Variants in L3MBTL4 observed in about 807,000 individuals in gnomAD.
L3MBTL4 encodes the protein lethal(3)malignant brain tumor-like protein 4.
L3MBTL4 carries 70 observed loss-of-function variants against 84.5 expected under a neutral mutation model. The observed-to-expected ratio is 0.83, with a 90% confidence interval of 0.68 to 1.01. The LOEUF (loss-of-function observed/expected upper bound fraction) is 1.01, where lower values mean the gene tolerates loss of function less well. L3MBTL4 is among the 50% of genes least tolerant of loss of function. The pLI is 0.00. For synonymous variants in L3MBTL4, 274 were observed against 259.8 expected, an observed-to-expected ratio of 1.05 and a Z score of -0.52; for missense variants, 715 against 754.8, an observed-to-expected ratio of 0.95 and a Z score of 0.62.
intron 14 of L3MBTL4, among the ~76,000 whole-genome samples, chr18:6,135,852 CT>C (rs1461221373): frequency 6.6e-6 from 1 of 152,184 alleles, no homozygotes; most frequent in Admixed American, 6.5e-5. Flanking sequence ...TTGCTTGTAC[CT>C]TTTCAGCAGT....
At chr18:6,380,980 G>C (rs1180978730) in intron 1 of L3MBTL4, among the ~76,000 whole-genome samples, 1 of 152,092 alleles carries the variant, frequency 6.6e-6, no homozygotes, top group Non-Finnish European at 1.5e-5. Context: ...CTAAGAACTT[G>C]CTTTATGCAT....
chr18:5,955,913 G>A lies in L3MBTL4; in HGVS notation c.*307C>T, dbSNP rs146779680. 124 of 239,044 alleles carry A rather than the reference G, an allele frequency of 5.2e-4. No individual in the cohort carries two copies. The highest frequency in any genetic ancestry group is 1.9e-3 in the African/African-American group (87 of 44,752). The allele number at this position is 239,044 out of a possible 1,614,324, so 14.8% of individuals were successfully genotyped here. ...GGAAAATGGTTTCTTTTCTGGTGAC[G>A]GAGAAGAATAAAGGTGGATGTGTGG... On this transcript the variant is annotated 3_prime_UTR_variant, in exon 19 of 19. Transcript: ENST00000317931.
chr18:6,112,566 T>C (rs1201241090), intron 14 of L3MBTL4, among the ~76,000 whole-genome samples: 2 of 152,184 alleles, frequency 1.3e-5, no homozygotes, highest in African/African-American at 4.8e-5. Flanking sequence ...TGCAAATAAC[T>C]AATCTCTGGA....
intron 13 of L3MBTL4, among the ~76,000 whole-genome samples, chr18:6,153,990 T>C (rs1221629394): frequency 1.3e-5 from 2 of 152,222 alleles, no homozygotes; most frequent in Non-Finnish European, 2.9e-5. Flanking sequence ...CACAAAAGAT[T>C]ACAGTATCAG....
chr18:6,189,918 A>G (rs1293921311), intron 12 of L3MBTL4, among the ~76,000 whole-genome samples: 1 of 152,200 alleles, frequency 6.6e-6, no homozygotes, highest in African/African-American at 2.4e-5. Context: ...ATATGCAACG[A>G]TTATCCCATA....
At chr18:5,974,964 T>C (rs938884722) in intron 16 of L3MBTL4, among the ~76,000 whole-genome samples, 1 of 151,986 alleles carries the variant, frequency 6.6e-6, no homozygotes, top group Non-Finnish European at 1.5e-5. Context: ...CCTGTCTCTA[T>C]TGTTTTGTTT....
intron 16 of L3MBTL4, among the ~76,000 whole-genome samples, chr18:6,070,921 G>T (rs2057570231): frequency 6.6e-6 from 1 of 151,992 alleles, no homozygotes; most frequent in Non-Finnish European, 1.5e-5. Flanking sequence ...TCTATATAAA[G>T]ATAAAGATGC....
intron 1 of L3MBTL4, among the ~76,000 whole-genome samples, chr18:6,372,208 G>A (rs1007685347): frequency 2.0e-5 from 3 of 152,216 alleles, no homozygotes; most frequent in Non-Finnish European, 2.9e-5. Flanking sequence ...AGTGGTGGCT[G>A]CCCCTGCCTA....
intron 12 of L3MBTL4, among the ~76,000 whole-genome samples, chr18:6,210,716 T>G (rs535332334): frequency 1.3e-5 from 2 of 152,308 alleles, no homozygotes; most frequent in Admixed American, 1.3e-4. Context: ...CTGACTCTGC[T>G]CTCACAAACA....
At chr18:6,103,178 C>G (rs745595105) in intron 14 of L3MBTL4, among the ~76,000 whole-genome samples, 4 of 152,178 alleles carry the variant, frequency 2.6e-5, no homozygotes, top group Non-Finnish European at 5.9e-5. Context: ...TTTACCAAAA[C>G]TCTAACTACA....
rs1044683957 is a variant in L3MBTL4, at chr18:6,381,744, T to C, written c.-91+33057A>G. ...TTCCGTTTGTGGGTAACCCAACCTT[T>C]CTCTCTGGCTGCCCTTAACATTTTT... On this transcript the variant is annotated intron_variant, in intron 1 of 18. Transcript: ENST00000317931. Among the ~76,000 whole-genome samples the C allele has an allele frequency of 9.8e-5, 15 of 152,346 alleles. No individual in the cohort carries two copies. The South Asian group carries it at 1.7e-3, about 17-fold the overall frequency.
intron 1 of L3MBTL4, among the ~76,000 whole-genome samples, chr18:6,346,984 A>G (rs1186911961): frequency 6.6e-6 from 1 of 152,204 alleles, no homozygotes. Flanking sequence ...ACAATGCAGC[A>G]TTACTCAGCC....
At chr18:6,196,220 T>TGC (rs2045378956) in intron 12 of L3MBTL4, among the ~76,000 whole-genome samples, 1 of 149,522 alleles carries the variant, frequency 6.7e-6, no homozygotes, top group Non-Finnish European at 1.5e-5. Flanking sequence ...TGCAGTGGCA[T>TGC]GATCTCAGCT....
chr18:5,956,563 A>G (rs1204898553), intron 18 of L3MBTL4, among the ~76,000 whole-genome samples, 176 bp from the exon 19 acceptor site: 1 of 152,090 alleles, frequency 6.6e-6, no homozygotes, highest in Admixed American at 6.5e-5. Context: ...CCATTGCTCC[A>G]CTCCAATTCT....
intron 16 of L3MBTL4, among the ~76,000 whole-genome samples, chr18:5,985,621 T>C (rs567506834): frequency 6.6e-6 from 1 of 152,264 alleles, no homozygotes; most frequent in South Asian, 2.1e-4. Flanking sequence ...TCCCGAAGGA[T>C]GTTTAAGTTA....
chr18:6,209,291 C>T (rs2045999244), intron 12 of L3MBTL4, among the ~76,000 whole-genome samples: 1 of 152,130 alleles, frequency 6.6e-6, no homozygotes, highest in African/African-American at 2.4e-5. Flanking sequence ...ACTTGCACTG[C>T]TACATCCACT....
chr18:6,390,151 C>G (rs2054986113), intron 1 of L3MBTL4, among the ~76,000 whole-genome samples: 1 of 152,002 alleles, frequency 6.6e-6, no homozygotes, highest in Admixed American at 6.6e-5. Context: ...AAGGAGCCCT[C>G]AAGACTATAT....
intron 16 of L3MBTL4, among the ~76,000 whole-genome samples, chr18:5,976,271 T>A (rs1477725434): frequency 6.6e-6 from 1 of 152,290 alleles, no homozygotes; most frequent in Non-Finnish European, 1.5e-5. Flanking sequence ...GTTGAAATGA[T>A]GTTTTGGATC....
At chr18:5,983,874 T>G (rs1025249730) in intron 16 of L3MBTL4, among the ~76,000 whole-genome samples, 5 of 152,218 alleles carry the variant, frequency 3.3e-5, no homozygotes, top group African/African-American at 2.4e-5. Context: ...GGCTTCATTG[T>G]GTCATATTTT....
Sources: allele counts gnomAD v4.1 joint callset (sites outside exome capture counted in the v4.1 genomes callset), GRCh38; gene constraint gnomAD v4.1.1; transcripts MANE v1.5; gene names NCBI Gene and HGNC (gene_info 2026-07-23, HGNC 2026-07-21).